TMEM269: variants seen among roughly 807,000 people sequenced by gnomAD.
TMEM269 encodes the protein transmembrane protein 269.
A neutral mutation model predicts 15.8 loss-of-function variants in TMEM269; 12 were observed. That is an observed-to-expected ratio of 0.76 (90% confidence interval 0.49 to 1.23). The LOEUF is 1.23. Ranked by LOEUF, TMEM269 falls within the 50% of genes most tolerant of loss-of-function variation. The pLI, the probability that TMEM269 is intolerant of heterozygous loss-of-function variation, is 0.00. For missense variants in TMEM269, 211 were observed against 245.4 expected, an observed-to-expected ratio of 0.86 and a Z score of 0.94; for synonymous variants, 93 against 99.3, an observed-to-expected ratio of 0.94 and a Z score of 0.38.
At position 42,798,387 on chromosome 1, in the gene TMEM269, G is replaced by A. The variant is rs899156953; in HGVS notation, c.*162G>A. On this transcript the variant is annotated 3_prime_UTR_variant, in exon 6 of 6. Transcript: ENST00000637012. ...GTTAGAAACCCAAAGCAGGGTCAGT[G>A]AACTTCACTTCTTTGTCTTTATTCA... 2 of 846,204 alleles carry A rather than the reference G, an allele frequency of 2.4e-6. No individual in the cohort carries two copies. The highest frequency in any genetic ancestry group is 1.9e-5 in the South Asian group (1 of 53,342). The allele number at this position is 846,204 out of a possible 1,614,324, so 52.4% of individuals were successfully genotyped here.
chr1:42,785,980 C>T (rs1241245995), intron 1 of TMEM269, among the ~76,000 whole-genome samples: 2 of 152,172 alleles, frequency 1.3e-5, no homozygotes, highest in Non-Finnish European at 2.9e-5. Flanking sequence ...TTCTCCTCAT[C>T]CCCCACCCCA....
chr1:42,793,112 C>A (rs1482764352), intron 3 of TMEM269, among the ~76,000 whole-genome samples: 1 of 152,174 alleles, frequency 6.6e-6, no homozygotes, highest in Non-Finnish European at 1.5e-5. Flanking sequence ...CACTTGCTGA[C>A]CTTTGGGCAG....
chr1:42,793,794 C>CG, intron 4 of TMEM269, 50 bp downstream of exon 4: 1 of 1,521,306 alleles, frequency 6.6e-7, no homozygotes. Flanking sequence ...GAGCACAGAA[C>CG]GGGGGGCTGT....
rs1653876232 is a variant in TMEM269, at chr1:42,800,812, C to T, written c.*2587C>T. On this transcript the variant is annotated 3_prime_UTR_variant, in exon 6 of 6. Coordinates refer to ENST00000637012, the MANE Select transcript of TMEM269 (RefSeq NM_001354602.2). ...AATATGTTAAATAAATGTTAGATGG[C>T]TTTCTGTCCCCTCTAGCCTTCTTCT... is the stretch of plus-strand genomic sequence containing the variant. 7.0e-6 allele frequency: 1 copy of T among 142,690 alleles called. No homozygotes were observed. The highest frequency in any genetic ancestry group is 2.6e-5 in the African/African-American group (1 of 38,986). The allele number at this position is 142,690 out of a possible 1,614,324, so 8.8% of individuals were successfully genotyped here.
chr1:42,786,373 A>G (rs1314191062), intron 1 of TMEM269, among the ~76,000 whole-genome samples: 1 of 152,228 alleles, frequency 6.6e-6, no homozygotes, highest in Non-Finnish European at 1.5e-5. Context: ...GCACAAGAAG[A>G]CAAGACCATA....
chr1:42,792,002 A>G (rs1468872670), intron 2 of TMEM269, among the ~76,000 whole-genome samples: 4 of 152,234 alleles, frequency 2.6e-5, no homozygotes, highest in Non-Finnish European at 5.9e-5. Context: ...TCCATCTCAA[A>G]AAAATAAAAT....
In TMEM269 at chr1:42,793,681, AG is replaced by A. The variant is rs1653742306; in HGVS notation, c.221del (p.Ser74MetfsTer45). On this transcript the variant is annotated frameshift_variant, in exon 4 of 6. Transcript: ENST00000637012. LOFTEE classifies it high-confidence loss of function. ...GCTCCTAGGCGTGGATGGACTTCTGAGTGGGATCCTGGCCATCATCTATGTG... is the reference window on the plus strand; with the variant it reads ...GCTCCTAGGCGTGGATGGACTTCTGATGGGATCCTGGCCATCATCTATGTG... ...ALLLGVDGLL[S>X]GILAIIYVSA... 1.9e-6 allele frequency: 3 copies of A among 1,550,504 alleles called. No individual in the cohort carries two copies. The Admixed American group carries it at 5.9e-5, about 30-fold the overall frequency.
rs541067910 is a variant in TMEM269, at chr1:42,800,253, C to A, written c.*2028C>A. 8.5e-5 allele frequency: 13 copies of A among 152,120 alleles called. No individual in the cohort carries two copies. The highest frequency in any genetic ancestry group is 2.0e-4 in the Admixed American group (3 of 15,274). 9.4% of individuals were successfully genotyped at this position (152,120 alleles called of 1,614,324 possible). The stretch of plus-strand genomic sequence containing the variant: ...GGATAGTTATAGGTCAGCTGACAGC[C>A]GGTTAACAGAGGGATCTATGCTTCC... On this transcript the variant is annotated 3_prime_UTR_variant, in exon 6 of 6. Transcript: ENST00000637012.
At chr1:42,791,263 G>A (rs1394168876) in intron 2 of TMEM269, among the ~76,000 whole-genome samples, 1 of 152,166 alleles carries the variant, frequency 6.6e-6, no homozygotes, top group African/African-American at 2.4e-5. Flanking sequence ...GACATCTATA[G>A]AGTACTTCAT....
chr1:42,797,748 A>C lies in TMEM269; in HGVS notation c.485-350A>C. On this transcript the variant is annotated intron_variant, in intron 5 of 5. Coordinates refer to ENST00000637012, the MANE Select transcript of TMEM269 (RefSeq NM_001354602.2). This position sits in a 1 kb window ranked among gnomAD's most constrained non-coding sequence, Gnocchi z 4.9. ...CTGCATTGGTCGTTATCACATGTTA[A>C]ATTTAAAACAATGAGGAAGATTTTT... 1 of 482,424 alleles carries C rather than the reference A, an allele frequency of 2.1e-6. No homozygotes were observed. The highest frequency in any genetic ancestry group is 3.6e-4 in the Middle Eastern group (1 of 2,740). 29.9% of individuals were successfully genotyped at this position (482,424 alleles called of 1,614,324 possible). A position where few individuals can be genotyped will look rare whatever the true frequency, so the allele number is the denominator to read the frequency against.
chr1:42,789,218 C>T (rs1038188171), intron 1 of TMEM269: 11 of 569,084 alleles, frequency 1.9e-5, no homozygotes, highest in Middle Eastern at 4.6e-4. Context: ...CCACCGTGTC[C>T]GGCTACACAT....
intron 2 of TMEM269, among the ~76,000 whole-genome samples, chr1:42,790,419 A>G (rs924219914): frequency 6.6e-6 from 1 of 152,026 alleles, no homozygotes; most frequent in African/African-American, 2.4e-5. Flanking sequence ...ATTGTCTATA[A>G]CCATCAGTAA....
chr1:42,794,498 G>T lies in TMEM269; in HGVS notation c.369G>T (p.Arg123Ser). The change falls in exon 5 of 6, where the codon AGG (arginine) becomes AGT (serine). Residue 123 changes from arginine (R) to serine (S), a missense_variant. Physicochemically the swap from Arg to Ser is moderately radical, Grantham distance 110 (BLOSUM62 -1). Coordinates refer to ENST00000637012, the MANE Select transcript of TMEM269 (RefSeq NM_001354602.2). ...CCTCCCTTCTGACCAAAGGCAACAGGTTCATCCTCTGCTGCATGGCCTCAC... is the reference window on the plus strand; with the variant it reads ...CCTCCCTTCTGACCAAAGGCAACAGTTTCATCCTCTGCTGCATGGCCTCAC... ...ASTSLLTKGNRFILCCMASLM... is the reference protein window; with the variant it reads ...ASTSLLTKGNSFILCCMASLM... 1 of 1,550,556 alleles carries T rather than the reference G, an allele frequency of 6.4e-7. No homozygotes were observed. The highest frequency in any genetic ancestry group is 8.7e-7 in the Non-Finnish European group (1 of 1,146,884).
intron 5 of TMEM269, among the ~76,000 whole-genome samples, chr1:42,795,877 T>C (rs1315274041): frequency 2.0e-5 from 3 of 152,232 alleles, no homozygotes; most frequent in Non-Finnish European, 4.4e-5. Flanking sequence ...TTAAGGTTTA[T>C]ACCTTTTGTA....
chr1:42,790,496 C>T (rs2124214777), intron 2 of TMEM269, among the ~76,000 whole-genome samples: 1 of 152,136 alleles, frequency 6.6e-6, no homozygotes, highest in Non-Finnish European at 1.5e-5. Context: ...ATGTTTAAGC[C>T]CCCTTCCAGC....
At chr1:42,792,949 A>G (rs774757334) in intron 3 of TMEM269, 47 bp downstream of exon 3, 7 of 1,413,660 alleles carry the variant, frequency 5.0e-6, no homozygotes, top group African/African-American at 1.4e-5. Flanking sequence ...AGTAGCATCC[A>G]TCTGGGGTCA....
chr1:42,795,826 A>G (rs1443127067), intron 5 of TMEM269, among the ~76,000 whole-genome samples: 1 of 152,216 alleles, frequency 6.6e-6, no homozygotes, highest in Non-Finnish European at 1.5e-5. Context: ...TGTGAGTCCC[A>G]TCTAGTTTAT....
rs1349985868 is a variant in TMEM269, at chr1:42,800,108, C to T, written c.*1883C>T. 1 of 152,128 alleles carries T rather than the reference C, an allele frequency of 6.6e-6. No individual in the cohort carries two copies. The highest frequency in any genetic ancestry group is 1.9e-4 in the East Asian group (1 of 5,202). The allele number at this position is 152,128 out of a possible 1,614,324, so 9.4% of individuals were successfully genotyped here. A position where few individuals can be genotyped will look rare whatever the true frequency, so the allele number is the denominator to read the frequency against. ...AGCAGCAGAGAGAAATATACAGACCCCCAGGAGGACAGCTTTGAAAAGTAA... is the reference window on the plus strand; with the variant it reads ...AGCAGCAGAGAGAAATATACAGACCTCCAGGAGGACAGCTTTGAAAAGTAA... On this transcript the variant is annotated 3_prime_UTR_variant, in exon 6 of 6. Coordinates refer to ENST00000637012, the MANE Select transcript of TMEM269 (RefSeq NM_001354602.2).
At chr1:42,793,475 G>T in intron 3 of TMEM269, 126 bp from the exon 4 acceptor site, 1 of 930,768 alleles carries the variant, frequency 1.1e-6, no homozygotes, top group South Asian at 1.8e-5. Flanking sequence ...TGCCCCAGGG[G>T]AGCAGCTGTT....
Sources: gnomAD v4.1 joint callset for allele counts (sites outside exome capture counted in the v4.1 genomes callset) on GRCh38, gnomAD v4.1.1 for gene constraint, Gnocchi (gnomAD v3.1) non-coding constraint, MANE v1.5 for transcripts, NCBI Gene and HGNC (gene_info 2026-07-23, HGNC 2026-07-21) for gene names.